Variants in LRRFIP2 observed in about 807,000 individuals in gnomAD.
LRRFIP2 encodes LRR binding FLII interacting protein 2.
Under a neutral mutation model 125.9 loss-of-function variants are expected in LRRFIP2, and 109 were observed. The observed-to-expected ratio is 0.87, with a 90% confidence interval of 0.74 to 1.01. LRRFIP2 has a LOEUF of 1.01. Ranked by LOEUF, LRRFIP2 falls within the 50% of genes least tolerant of loss-of-function variation. LRRFIP2 has a pLI of 0.00. For synonymous variants in LRRFIP2, 291 were observed against 293.1 expected (o/e 0.99, Z 0.07); for missense variants, 850 against 862.3 (o/e 0.99, Z 0.18).
chr3:37,121,736 A>G (rs1314856744), intron 4 of LRRFIP2, 45 bp from the exon 5 acceptor site: 1 of 1,583,660 alleles, frequency 6.3e-7, no homozygotes, highest in Admixed American at 1.7e-5. Flanking sequence ...CTGAATAGAC[A>G]GTTGTTTATC....
chr3:37,154,875 TAG>T (rs1248810007), intron 1 of LRRFIP2, among the ~76,000 whole-genome samples: 2 of 152,250 alleles, frequency 1.3e-5, no homozygotes, highest in Non-Finnish European at 2.9e-5. Flanking sequence ...TGGATCCTGA[TAG>T]ATAGTTCTTT....
chr3:37,089,965 G>C (rs2093332427), intron 18 of LRRFIP2, among the ~76,000 whole-genome samples: 1 of 152,158 alleles, frequency 6.6e-6, no homozygotes, highest in Admixed American at 6.5e-5. Context: ...TCAGCAACTT[G>C]CAGGCTTCCC....
chr3:37,141,336 A>C (rs1228002409), intron 2 of LRRFIP2, among the ~76,000 whole-genome samples: 1 of 152,094 alleles, frequency 6.6e-6, no homozygotes, highest in Non-Finnish European at 1.5e-5. Flanking sequence ...TCCTTTCATG[A>C]TTGGTCCCTA....
chr3:37,127,485 A>G (rs2095313657), intron 4 of LRRFIP2, 145 bp downstream of exon 4: 1 of 777,010 alleles, frequency 1.3e-6, no homozygotes, highest in Non-Finnish European at 2.2e-6. Flanking sequence ...CCTCTGGTCC[A>G]CTATAGACAG....
At position 37,123,584 on chromosome 3, in the gene LRRFIP2, G is replaced by A. The variant is rs899302668; in HGVS notation, c.229-1893C>T. On this transcript the variant is annotated intron_variant, in intron 4 of 27. Coordinates refer to ENST00000336686, the MANE Select transcript of LRRFIP2 (RefSeq NM_006309.4). ...TCTTTATCAACCACGAAAGTTTTGG[G>A]GGCATGTGTGTTAGCCTAGAAGGGC... Among the ~76,000 whole-genome samples, 6 of 152,134 alleles carry A rather than the reference G, an allele frequency of 3.9e-5. No homozygotes were observed. The South Asian group carries it at 6.2e-4, about 16-fold the overall frequency.
intron 4 of LRRFIP2, among the ~76,000 whole-genome samples, chr3:37,122,416 A>G (rs2095094752): frequency 6.6e-6 from 1 of 152,096 alleles, no homozygotes. Context: ...AGTTCAATAT[A>G]CCAAGATAAA....
In LRRFIP2 at chr3:37,060,632, T is replaced by TAC. The variant is rs2088358317; in HGVS notation, c.1750-1724_1750-1723dup. On this transcript the variant is annotated intron_variant, in intron 24 of 27. Coordinates refer to ENST00000336686, the MANE Select transcript of LRRFIP2 (RefSeq NM_006309.4). The surrounding 1 kb of genome is among the most constrained non-coding windows in gnomAD (Gnocchi z 4.1). ...TTTTTTTTGTACTTCCACAGCTTCC[T>TAC]ACCACTGAATCTAGAAATGGAATAG... Among the ~76,000 whole-genome samples, 1 of 151,846 alleles carries TAC rather than the reference T, an allele frequency of 6.6e-6. No individual in the cohort carries two copies. Among genetic ancestry groups the TAC allele is most frequent in the Non-Finnish European group, 1.5e-5 (1 of 67,934 alleles).
intron 20 of LRRFIP2, among the ~76,000 whole-genome samples, chr3:37,073,320 C>G (rs1296820731): frequency 6.6e-6 from 1 of 152,140 alleles, no homozygotes; most frequent in African/African-American, 2.4e-5. Flanking sequence ...TTAAGCAGAA[C>G]TGATCATTTT....
intron 6 of LRRFIP2, among the ~76,000 whole-genome samples, chr3:37,119,271 C>T (rs1346480662): frequency 1.3e-5 from 2 of 152,066 alleles, no homozygotes; most frequent in African/African-American, 2.4e-5. Flanking sequence ...AAATTAAATA[C>T]TGGAGTTATA....
chr3:37,175,775 A>C (rs964458578), upstream of LRRFIP2: 3 of 152,318 alleles, frequency 2.0e-5, no homozygotes, highest in African/African-American at 7.2e-5. Flanking sequence ...ACGGAGGGAC[A>C]GCTGCCCAAT....
intron 2 of LRRFIP2, among the ~76,000 whole-genome samples, chr3:37,130,748 A>C (rs1301357212): frequency 6.6e-6 from 1 of 152,064 alleles, no homozygotes; most frequent in Non-Finnish European, 1.5e-5. Flanking sequence ...TGTTGGAGTA[A>C]TCCTCATTTT....
At chr3:37,090,958 G>A (rs529722642) in intron 18 of LRRFIP2, among the ~76,000 whole-genome samples, 112 of 152,258 alleles carry the variant, frequency 7.4e-4, no homozygotes, top group African/African-American at 1.9e-3. Context: ...TTCATTTAGC[G>A]TGGAAGAAAT....
chr3:37,075,968 T>C (rs1488810304), intron 19 of LRRFIP2, among the ~76,000 whole-genome samples: 1 of 152,112 alleles, frequency 6.6e-6, no homozygotes, highest in Non-Finnish European at 1.5e-5. Flanking sequence ...AAATTAGTAA[T>C]GTTGGGATAA....
chr3:37,164,742 T>C (rs1054679646), intron 1 of LRRFIP2, among the ~76,000 whole-genome samples: 1 of 151,138 alleles, frequency 6.6e-6, no homozygotes, highest in African/African-American at 2.4e-5. Context: ...AAAAAGTTCC[T>C]AAAACATGCT....
intron 15 of LRRFIP2, among the ~76,000 whole-genome samples, chr3:37,100,592 G>A (rs573771721): frequency 6.6e-6 from 1 of 152,028 alleles, no homozygotes; most frequent in South Asian, 2.1e-4. Context: ...AGGGGCAGGG[G>A]GAGATTTTTT....
At chr3:37,129,466 T>A (rs1343960970) in intron 2 of LRRFIP2, among the ~76,000 whole-genome samples, 1 of 152,190 alleles carries the variant, frequency 6.6e-6, no homozygotes, top group Non-Finnish European at 1.5e-5. Flanking sequence ...CCCCATTGAT[T>A]CAATCATATA....
chr3:37,058,776 C>A lies in LRRFIP2; in HGVS notation c.1870+14G>T. The A allele has an allele frequency of 1.2e-6, 2 of 1,613,816 alleles. No individual in the cohort carries two copies. The highest frequency in any genetic ancestry group is 1.7e-4 in the Middle Eastern group (1 of 6,060). On this transcript the variant is annotated intron_variant, in intron 25 of 27. Transcript: ENST00000336686. ...TATATACAGACTGGGACTGGCCTGTCCCCTGGTACCTACTCTGCATTTCGA... is the reference window on the plus strand; with the variant it reads ...TATATACAGACTGGGACTGGCCTGTACCCTGGTACCTACTCTGCATTTCGA...
intron 16 of LRRFIP2, among the ~76,000 whole-genome samples, chr3:37,095,612 C>A (rs1281520887): frequency 6.6e-6 from 1 of 151,982 alleles, no homozygotes; most frequent in Non-Finnish European, 1.5e-5. Context: ...TGAAATATAT[C>A]TCATTAATAA....
intron 2 of LRRFIP2, among the ~76,000 whole-genome samples, chr3:37,145,195 ACAC>A (rs1442799055): frequency 1.3e-5 from 2 of 152,186 alleles, no homozygotes; most frequent in African/African-American, 4.8e-5. Flanking sequence ...CTGAGCATAA[ACAC>A]CAACATGTAG....
Sources: allele counts gnomAD v4.1 joint callset (sites outside exome capture counted in the v4.1 genomes callset), GRCh38; gene constraint gnomAD v4.1.1; non-coding constraint Gnocchi (gnomAD v3.1); transcripts MANE v1.5; gene names NCBI Gene and HGNC (gene_info 2026-07-23, HGNC 2026-07-21).